Variants in CDKN2B-AS1 observed in about 807,000 individuals in gnomAD.
CDKN2B-AS1 encodes CDKN2B antisense RNA 1 (non-protein coding).
intron 4 of CDKN2B-AS1, among the ~76,000 whole-genome samples, chr9:22,066,583 G>A (rs1824051833): frequency 6.6e-6 from 1 of 151,852 alleles, no homozygotes; most frequent in South Asian, 2.1e-4. Context: ...GTAACTCTAT[G>A]CTAAAATTAA....
chr9:22,067,690 G>T (rs561785719), intron 4 of CDKN2B-AS1, among the ~76,000 whole-genome samples: 127 of 152,224 alleles, frequency 8.3e-4, no homozygotes, highest in African/African-American at 2.7e-3. Flanking sequence ...CATAGCAGGG[G>T]TTTCATAAAT....
intron 1 of CDKN2B-AS1, chr9:22,012,552 T>G (rs1177814765): frequency 1.8e-6 from 1 of 561,428 alleles, no homozygotes; most frequent in East Asian, 4.0e-5. Flanking sequence ...TCTTCCTTCC[T>G]CGGAGGGCAG....
intron 1 of CDKN2B-AS1, among the ~76,000 whole-genome samples, chr9:22,014,496 TTATC>T (rs1821654277): frequency 6.6e-6 from 1 of 152,144 alleles, no homozygotes. Context: ...GTTCTCTTCA[TTATC>T]TACTTCATTG....
At chr9:22,029,017 C>T (rs1033095392) in intron 1 of CDKN2B-AS1, among the ~76,000 whole-genome samples, 19 of 150,618 alleles carry the variant, frequency 1.3e-4, no homozygotes, top group African/African-American at 3.9e-4. Context: ...ACAATTTGGA[C>T]ATCAAAAAGA....
chr9:22,034,050 A>C (rs1822585866), intron 1 of CDKN2B-AS1, among the ~76,000 whole-genome samples: 1 of 152,234 alleles, frequency 6.6e-6, no homozygotes, highest in Non-Finnish European at 1.5e-5. Flanking sequence ...GATAAAAGAC[A>C]TGAAGTTAAT....
intron 4 of CDKN2B-AS1, among the ~76,000 whole-genome samples, chr9:22,123,496 G>T (rs1360070545): frequency 6.6e-6 from 1 of 152,184 alleles, no homozygotes; most frequent in Non-Finnish European, 1.5e-5. Flanking sequence ...TTCAGTAGAA[G>T]TTGGGGAGAA....
intron 4 of CDKN2B-AS1, among the ~76,000 whole-genome samples, chr9:22,113,427 T>C (rs1275944930): frequency 1.3e-5 from 2 of 152,218 alleles, no homozygotes; most frequent in African/African-American, 4.8e-5. Flanking sequence ...TGGGATTAGA[T>C]TACATCCGTC....
intron 4 of CDKN2B-AS1, among the ~76,000 whole-genome samples, chr9:22,079,153 G>T (rs1273822204): frequency 6.6e-6 from 1 of 152,142 alleles, no homozygotes; most frequent in East Asian, 1.9e-4. Flanking sequence ...AAATATTGGA[G>T]ATCATTTGAT....
intron 1 of CDKN2B-AS1, among the ~76,000 whole-genome samples, chr9:22,016,467 C>G (rs1280742388): frequency 6.6e-6 from 1 of 152,080 alleles, no homozygotes; most frequent in African/African-American, 2.4e-5. Context: ...CATATGGAAC[C>G]AAAAAGGAGC....
At chr9:22,015,491 T>A (rs1821706058) in intron 1 of CDKN2B-AS1, among the ~76,000 whole-genome samples, 2 of 152,130 alleles carry the variant, frequency 1.3e-5, no homozygotes, top group African/African-American at 4.8e-5. Flanking sequence ...TTAAAAATTA[T>A]CTTGCCAAAT....
At chr9:22,019,845 C>T (rs1338928574) in intron 1 of CDKN2B-AS1, among the ~76,000 whole-genome samples, 1 of 151,986 alleles carries the variant, frequency 6.6e-6, no homozygotes, top group Non-Finnish European at 1.5e-5. Flanking sequence ...AATATTTAAT[C>T]CTAGGAATTA....
rs548807288 is a variant in CDKN2B-AS1 at position 22,108,626 on chromosome 9, T to C, written n.439-18477T>C. ...ACACTGAATTATTCCTTTAGAAAAA[T>C]ACTTGGTGTACAACTCATCCTTTTC... On this transcript the variant is annotated intron_variant and non_coding_transcript_variant, in intron 4 of 4. Coordinates refer to ENST00000650946, the Ensembl canonical transcript of CDKN2B-AS1. Among the ~76,000 whole-genome samples, 3 of 152,272 alleles carry C rather than the reference T, an allele frequency of 2.0e-5. No individual in the cohort carries two copies. In the South Asian group the frequency reaches 6.2e-4, roughly 32 times the overall value.
At chr9:22,056,584 A>G (rs2131291334) in intron 4 of CDKN2B-AS1, among the ~76,000 whole-genome samples, 1 of 152,042 alleles carries the variant, frequency 6.6e-6, no homozygotes, top group South Asian at 2.1e-4. Context: ...CTCCAGAGTC[A>G]CCACCTCTCC....
chr9:22,105,973 C>G (rs899643563), intron 4 of CDKN2B-AS1, among the ~76,000 whole-genome samples: 1 of 152,180 alleles, frequency 6.6e-6, no homozygotes, highest in African/African-American at 2.4e-5. Context: ...TGCAATGGCA[C>G]GATCTTGGCT....
rs549230232 is a variant in CDKN2B-AS1, at chr9:22,018,029, G to T, written n.29+22868G>T. 6.4e-4 allele frequency among the ~76,000 whole-genome samples: 98 copies of T among 152,282 alleles called. No homozygotes were observed. In the Middle Eastern group the frequency reaches 0.02, roughly 32 times the overall value. ...ATCAGGAGGGGTAGTGAGGTATTGA[G>T]ATAGATGAAAACATTTTCTAAAAGT... On this transcript the variant is annotated intron_variant and non_coding_transcript_variant, in intron 1 of 4. Coordinates refer to ENST00000650946, the Ensembl canonical transcript of CDKN2B-AS1.
At chr9:22,019,372 C>G (rs923381957) in intron 1 of CDKN2B-AS1, among the ~76,000 whole-genome samples, 1 of 152,124 alleles carries the variant, frequency 6.6e-6, no homozygotes, top group Non-Finnish European at 1.5e-5. Context: ...GTAGCTTGGA[C>G]TAAAGTGCCT....
rs80248631 is a variant in CDKN2B-AS1, at chr9:22,034,110, C to T, written n.30-12641C>T. ...ATACAGATACAATGTGGCCTTAGGCCAGATCATGTTGAACATGTGGTGGGA... is the reference window on the plus strand; with the variant it reads ...ATACAGATACAATGTGGCCTTAGGCTAGATCATGTTGAACATGTGGTGGGA... On this transcript the variant is annotated intron_variant and non_coding_transcript_variant, in intron 1 of 4. Transcript: ENST00000650946. 8.4e-3 allele frequency among the ~76,000 whole-genome samples: 1,272 copies of T among 152,222 alleles called. 91 individuals carry two copies. The East Asian group carries it at 0.18, about 21-fold the overall frequency.
chr9:22,094,020 C>G (rs540200785), intron 4 of CDKN2B-AS1, among the ~76,000 whole-genome samples: 3 of 144,548 alleles, frequency 2.1e-5, no homozygotes, highest in South Asian at 4.2e-4. Flanking sequence ...CTGGTGGTGA[C>G]AAAATCTCTT....
At chr9:22,090,982 C>T (rs1375336936) in intron 4 of CDKN2B-AS1, among the ~76,000 whole-genome samples, 1 of 152,144 alleles carries the variant, frequency 6.6e-6, no homozygotes, top group Non-Finnish European at 1.5e-5. Context: ...AGTCTTTAAT[C>T]CATCTTGAAC....
Sources: gnomAD v4.1 joint callset for allele counts (sites outside exome capture counted in the v4.1 genomes callset) on GRCh38, gnomAD v4.1.1 for gene constraint, MANE v1.5 for transcripts, NCBI Gene and HGNC (gene_info 2026-07-23, HGNC 2026-07-21) for gene names.